Variants in RAI14 observed in about 807,000 individuals in gnomAD.
The protein encoded by RAI14 is ankycorbin.
RAI14 carries 45 observed loss-of-function variants against 115.4 expected under a neutral mutation model. The ratio of observed to expected loss-of-function variants is 0.39; its 90% CI spans 0.31 to 0.50. The LOEUF (loss-of-function observed/expected upper bound fraction) is 0.50, where lower values mean the gene tolerates loss of function less well. Among genes scored for constraint, RAI14 ranks in the 20% least tolerant of loss-of-function variants. RAI14 has a pLI of 0.85. For missense variants in RAI14, 939 were observed against 1,131.2 expected, an observed-to-expected ratio of 0.83 and a Z score of 2.44; for synonymous variants, 371 against 415.4, an observed-to-expected ratio of 0.89 and a Z score of 1.30.
At chr5:34,757,013 A>G (rs542969036) in intron 2 of RAI14, among the ~76,000 whole-genome samples, 1 of 152,344 alleles carries the variant, frequency 6.6e-6, no homozygotes, top group South Asian at 2.1e-4. Flanking sequence ...CAATAAAAGC[A>G]GATGAAAAAT....
intron 3 of RAI14, among the ~76,000 whole-genome samples, chr5:34,773,481 G>A (rs1484621237): frequency 3.3e-5 from 5 of 152,156 alleles, no homozygotes; most frequent in East Asian, 3.8e-4. Flanking sequence ...CCTGTCGAAT[G>A]AGAGAAAAAT....
At chr5:34,773,871 C>T (rs1405057109) in intron 3 of RAI14, among the ~76,000 whole-genome samples, 1 of 152,180 alleles carries the variant, frequency 6.6e-6, no homozygotes, top group Non-Finnish European at 1.5e-5. Flanking sequence ...AACTACTGTA[C>T]ATCCAGCACT....
chr5:34,817,488 T>G (rs1445465913), intron 12 of RAI14, among the ~76,000 whole-genome samples: 2 of 152,144 alleles, frequency 1.3e-5, no homozygotes, highest in Non-Finnish European at 2.9e-5. Context: ...CATCCACTCA[T>G]AGGTGTTTAC....
intron 1 of RAI14, among the ~76,000 whole-genome samples, chr5:34,665,117 GTATATA>G (rs201869626): frequency 0.018 from 305 of 16,492 alleles, 117 homozygotes; most frequent in African/African-American, 0.056. Flanking sequence ...ATATATATGT[GTATATA>G]TGTATGTGTA....
At chr5:34,722,228 A>G (rs1172025562) in intron 2 of RAI14, among the ~76,000 whole-genome samples, 1 of 149,316 alleles carries the variant, frequency 6.7e-6, no homozygotes, top group East Asian at 2.0e-4. Flanking sequence ...CATAAAGTTA[A>G]CATGAGGCCT....
At chr5:34,656,693 G>C (rs1346104564) in intron 1 of RAI14, 1 of 152,366 alleles carries the variant, frequency 6.6e-6, no homozygotes, top group African/African-American at 2.4e-5. Flanking sequence ...GGAAGGAGAG[G>C]AAGGTGGAGA....
intron 2 of RAI14, among the ~76,000 whole-genome samples, chr5:34,706,773 C>G (rs754461231): frequency 3.9e-5 from 6 of 152,140 alleles, no homozygotes; most frequent in Admixed American, 1.3e-4. Context: ...AGAAATAATA[C>G]TTGTGCCCTT....
intron 16 of RAI14, among the ~76,000 whole-genome samples, chr5:34,828,894 G>A (rs1357110593): frequency 2.0e-5 from 3 of 152,004 alleles, no homozygotes; most frequent in Admixed American, 6.6e-5. Flanking sequence ...CATATAGTGG[G>A]TAATCAATAA....
intron 3 of RAI14, among the ~76,000 whole-genome samples, chr5:34,772,716 G>A (rs995473409): frequency 6.6e-6 from 1 of 152,106 alleles, no homozygotes; most frequent in Non-Finnish European, 1.5e-5. Flanking sequence ...TCCCTATTGT[G>A]CCTCCGTTGG....
intron 3 of RAI14, among the ~76,000 whole-genome samples, chr5:34,778,825 G>C (rs1000474486): frequency 6.7e-6 from 1 of 150,114 alleles, no homozygotes; most frequent in Non-Finnish European, 1.5e-5. Flanking sequence ...ATGACATTTC[G>C]TGTCTTTGAA....
chr5:34,788,029 G>A (rs1005042801), intron 3 of RAI14, among the ~76,000 whole-genome samples: 15 of 145,570 alleles, frequency 1.0e-4, no homozygotes, highest in East Asian at 4.3e-4. Flanking sequence ...CTATCCTTCC[G>A]CCTTAGCATC....
At chr5:34,812,727 T>G (rs1220527360) in intron 10 of RAI14, among the ~76,000 whole-genome samples, 1 of 152,222 alleles carries the variant, frequency 6.6e-6, no homozygotes, top group Non-Finnish European at 1.5e-5. Context: ...CATGTAACTT[T>G]AAACTTGCTA....
intron 1 of RAI14, among the ~76,000 whole-genome samples, chr5:34,674,192 G>A (rs1743813059): frequency 6.6e-6 from 1 of 152,108 alleles, no homozygotes; most frequent in African/African-American, 2.4e-5. Context: ...AATAATTTCT[G>A]GACTTTCCTT....
chr5:34,691,186 C>G (rs1014004634), intron 2 of RAI14, among the ~76,000 whole-genome samples: 36 of 152,082 alleles, frequency 2.4e-4, no homozygotes, highest in Admixed American at 2.2e-3. Flanking sequence ...TCAGGGGAGA[C>G]AGCTTGCAGC....
chr5:34,663,940 G>A (rs991040987), intron 1 of RAI14, among the ~76,000 whole-genome samples: 3 of 152,112 alleles, frequency 2.0e-5, no homozygotes, highest in Non-Finnish European at 2.9e-5. Flanking sequence ...CCTTACTTGC[G>A]ATCTAGGCCA....
In RAI14 at chr5:34,823,111, C is replaced by T. The variant is rs757606083; in HGVS notation, c.1269C>T (p.Ser423=). The change falls in exon 15 of 18, where the codon TCC becomes TCT. Residue 423 remains serine (S), a synonymous_variant. Coordinates refer to ENST00000265109, the MANE Select transcript of RAI14 (RefSeq NM_015577.3). This position sits in a 1 kb window ranked among gnomAD's most constrained non-coding sequence, Gnocchi z 4.5. ...TCTTAATACATTCTTTAGGTAAATCCACTACTGACAATGATGTCAGAATTC... is the reference window on the plus strand; with the variant it reads ...TCTTAATACATTCTTTAGGTAAATCTACTACTGACAATGATGTCAGAATTC... ...PSVLIHSLGK[S]TTDNDVRIQQ... 6.8e-6 allele frequency: 11 copies of T among 1,612,644 alleles called. No homozygotes were observed. The Admixed American group carries it at 1.8e-4, about 27-fold the overall frequency.
chr5:34,750,847 C>CTTTTTTTTTTTT lies in RAI14; in HGVS notation c.37-6621_37-6620insTTTTTTTTTTTT, dbSNP rs1561309335. Among the ~76,000 whole-genome samples, 2 of 62,454 alleles carry CTTTTTTTTTTTT rather than the reference C, an allele frequency of 3.2e-5. 1 individual carries two copies. Among genetic ancestry groups the CTTTTTTTTTTTT allele is most frequent in the African/African-American group, 1.5e-4 (2 of 13,232 alleles). 41.0% of individuals were successfully genotyped at this position (62,454 alleles called of 152,430 possible). A position where few individuals can be genotyped will look rare whatever the true frequency, so the allele number is the denominator to read the frequency against. On this transcript the variant is annotated intron_variant, in intron 2 of 17. Transcript: ENST00000265109. ...TGACCTTATCCTTACTTTGCTTTAT[C>CTTTTTTTTTTTT]ATTTTTTTTTTTTTTTTTTTTTGAG... is the stretch of plus-strand genomic sequence containing the variant.
chr5:34,663,515 T>G (rs1459313384), intron 1 of RAI14, among the ~76,000 whole-genome samples: 3 of 152,064 alleles, frequency 2.0e-5, no homozygotes, highest in Non-Finnish European at 4.4e-5. Flanking sequence ...AGACCCTGTC[T>G]AAAAAAATAA....
At chr5:34,661,219 G>A (rs1742668442) in intron 1 of RAI14, among the ~76,000 whole-genome samples, 1 of 151,972 alleles carries the variant, frequency 6.6e-6, no homozygotes, top group Non-Finnish European at 1.5e-5. Flanking sequence ...TGCTCAAAGA[G>A]TTTTGGACTT....
Sources: allele counts gnomAD v4.1 joint callset (sites outside exome capture counted in the v4.1 genomes callset), GRCh38; gene constraint gnomAD v4.1.1; non-coding constraint Gnocchi (gnomAD v3.1); transcripts MANE v1.5; gene names NCBI Gene and HGNC (gene_info 2026-07-23, HGNC 2026-07-21).